Variants in WDSUB1 observed in about 807,000 individuals in gnomAD.
WDSUB1 encodes the protein WD repeat, SAM and U-box domain-containing protein 1.
In WDSUB1, 49 loss-of-function variants were observed where a neutral mutation model predicts 53.9. The observed-to-expected ratio is 0.91, with a 90% CI of 0.72 to 1.15. The LOEUF is 1.15. Among genes scored for constraint, WDSUB1 ranks in the 50% most tolerant of loss-of-function variants. The pLI, the probability that WDSUB1 is intolerant of heterozygous loss-of-function variation, is 0.00. For synonymous variants in WDSUB1, 194 were observed against 200.6 expected (o/e 0.97, Z 0.28); for missense variants, 514 against 562.0 (o/e 0.91, Z 0.86).
At chr2:159,257,518 C>G (rs762114699) in intron 8 of WDSUB1, among the ~76,000 whole-genome samples, 1 of 151,724 alleles carries the variant, frequency 6.6e-6, no homozygotes, top group Non-Finnish European at 1.5e-5. Flanking sequence ...TCCCGAGTAG[C>G]GGGGATTATA....
At position 159,271,754 on chromosome 2, in the gene WDSUB1, C is replaced by T. The variant is rs758985078; in HGVS notation, c.718G>A (p.Ala240Thr). The T allele has an allele frequency of 2.5e-6, 4 of 1,614,036 alleles. No individual in the cohort carries two copies. In the Admixed American group the frequency reaches 5.0e-5, roughly 20 times the overall value. ...KYKSTLSGHC[A>T]PVLACAFSHD... ...GAAAAAGCACAAGCCAGAACAGGAG[C>T]ACAGTGCCCACTCAGTGTACTTTTA... Residue 240 changes from alanine (A) to threonine (T), a missense_variant, in exon 5 of 11, where the codon GCT becomes ACT. Transcript: ENST00000359774.
intron 8 of WDSUB1, among the ~76,000 whole-genome samples, chr2:159,256,920 G>A (rs554972651): frequency 6.6e-6 from 1 of 152,246 alleles, no homozygotes; most frequent in East Asian, 1.9e-4. Context: ...TGGGAGGAGT[G>A]GGACACATGA....
At chr2:159,239,270 G>A (rs923586370) in intron 10 of WDSUB1, among the ~76,000 whole-genome samples, 2 of 135,728 alleles carry the variant, frequency 1.5e-5, no homozygotes, top group Non-Finnish European at 3.0e-5. Context: ...TTCCCAAAGT[G>A]CTGGGTTTAC....
Position 159,253,660 on chromosome 2 carries a change from T to C in WDSUB1, c.1132+2536A>G, listed in dbSNP as rs2060999144. ...TTGACATGGCAGCTGTTTTAAACAG[T>C]TATATCACAAAGGCAAACGCAGGTA... On this transcript the variant is annotated intron_variant, in intron 9 of 10. Transcript: ENST00000359774. 3.3e-5 allele frequency among the ~76,000 whole-genome samples: 5 copies of C among 152,344 alleles called. No homozygotes were observed. In the South Asian group the frequency reaches 1.0e-3, roughly 32 times the overall value.
In WDSUB1 at chr2:159,260,341, T is replaced by G. The variant is rs1458347711; in HGVS notation, c.771-498A>C. Among the ~76,000 whole-genome samples, 5 of 151,930 alleles carry G rather than the reference T, an allele frequency of 3.3e-5. No individual in the cohort carries two copies. In the East Asian group the frequency reaches 7.7e-4, roughly 23 times the overall value. The stretch of plus-strand genomic sequence containing the variant: ...CATGCCATATATAAAATTTAGAAAA[T>G]TATAAGCTTTATTAAAACAATAGTA... On this transcript the variant is annotated intron_variant, in intron 5 of 10. Transcript: ENST00000359774.
chr2:159,280,708 A>AAAAAAAAAAACAAAAC (rs111752652), intron 2 of WDSUB1, among the ~76,000 whole-genome samples: 1 of 134,322 alleles, frequency 7.4e-6, no homozygotes, highest in African/African-American at 3.4e-5. Flanking sequence ...AAAAAAAAAA[A>AAAAAAAAAAACAAAAC]ATTACCCAGA....
At chr2:159,282,146 A>G (rs1481845413) in intron 2 of WDSUB1, among the ~76,000 whole-genome samples, 1 of 152,074 alleles carries the variant, frequency 6.6e-6, no homozygotes, top group Non-Finnish European at 1.5e-5. Context: ...TATAAGAATC[A>G]TATTAAACAA....
At chr2:159,239,839 G>T (rs999602292) in intron 10 of WDSUB1, among the ~76,000 whole-genome samples, 1 of 152,138 alleles carries the variant, frequency 6.6e-6, no homozygotes, top group African/African-American at 2.4e-5. Flanking sequence ...CCCACCTTGG[G>T]GGCCTGAGTT....
At chr2:159,272,184 G>A (rs999647105) in intron 4 of WDSUB1, among the ~76,000 whole-genome samples, 15 of 152,198 alleles carry the variant, frequency 9.9e-5, no homozygotes, top group African/African-American at 3.6e-4. Context: ...TCAAACAGAA[G>A]TTACATTAAA....
At chr2:159,244,919 G>T (rs746784480) in intron 10 of WDSUB1, among the ~76,000 whole-genome samples, 2 of 152,096 alleles carry the variant, frequency 1.3e-5, no homozygotes, top group Non-Finnish European at 2.9e-5. Context: ...AACAGAATGA[G>T]ACCTCATCTC....
intron 5 of WDSUB1, among the ~76,000 whole-genome samples, chr2:159,268,335 C>A (rs1280636406): frequency 7.9e-6 from 1 of 126,700 alleles, no homozygotes; most frequent in African/African-American, 2.5e-5. Context: ...TGTCCCCTAA[C>A]ACAGCAGACA....
At chr2:159,249,178 ATGTT>A (rs2060890020) in intron 9 of WDSUB1, among the ~76,000 whole-genome samples, 1 of 152,200 alleles carries the variant, frequency 6.6e-6, no homozygotes, top group African/African-American at 2.4e-5. Context: ...ATTTTTAAAT[ATGTT>A]TGAGTTCAAA....
intron 3 of WDSUB1, among the ~76,000 whole-genome samples, chr2:159,279,220 A>G (rs2061602883): frequency 6.6e-6 from 1 of 152,196 alleles, no homozygotes; most frequent in African/African-American, 2.4e-5. Flanking sequence ...TAAAGAAAGA[A>G]CTTTCCAAAT....
At chr2:159,265,041 G>A (rs554984747) in intron 5 of WDSUB1, among the ~76,000 whole-genome samples, 19 of 148,882 alleles carry the variant, frequency 1.3e-4, no homozygotes, top group African/African-American at 4.5e-4. Flanking sequence ...CTGAGATCGC[G>A]CCATTGCAGT....
At chr2:159,236,927 GT>G (rs1189833856) in intron 10 of WDSUB1, among the ~76,000 whole-genome samples, 5 of 152,028 alleles carry the variant, frequency 3.3e-5, no homozygotes, top group Admixed American at 1.3e-4. Flanking sequence ...GGCCACCAAG[GT>G]TTTTTTAAAA....
intron 6 of WDSUB1, among the ~76,000 whole-genome samples, chr2:159,259,166 G>C (rs966298770): frequency 6.6e-6 from 1 of 152,160 alleles, no homozygotes; most frequent in Non-Finnish European, 1.5e-5. Context: ...TGGGACTACA[G>C]GGACGCGCCA....
chr2:159,283,664 A>G (rs1558885851), intron 1 of WDSUB1, among the ~76,000 whole-genome samples: 1 of 110,228 alleles, frequency 9.1e-6, no homozygotes, highest in Admixed American at 7.8e-5. Flanking sequence ...CCGCCTTCAA[A>G]AAAAAAAAAA....
At chr2:159,261,287 A>G (rs2061182562) in intron 5 of WDSUB1, among the ~76,000 whole-genome samples, 1 of 152,208 alleles carries the variant, frequency 6.6e-6, no homozygotes. Context: ...TTACATGCAA[A>G]TATCACACCA....
chr2:159,275,906 A>G (rs962522150), intron 3 of WDSUB1, among the ~76,000 whole-genome samples: 2 of 152,334 alleles, frequency 1.3e-5, no homozygotes, highest in East Asian at 3.9e-4. Context: ...GCAAGGACCA[A>G]TATTGAGCCA....
Sources: allele counts gnomAD v4.1 joint callset (sites outside exome capture counted in the v4.1 genomes callset), GRCh38; gene constraint gnomAD v4.1.1; transcripts MANE v1.5; gene names NCBI Gene and HGNC (gene_info 2026-07-23, HGNC 2026-07-21).